ADNP: variants seen among roughly 807,000 people sequenced by gnomAD.
ADNP encodes activity dependent neuroprotector homeobox, also known as activity-dependent neuroprotector homeobox protein.
ADNP carries 4 observed loss-of-function variants against 84.9 expected under a neutral mutation model. That is an observed-to-expected ratio of 0.05 (90% CI 0.02 to 0.11). The LOEUF is 0.11. Ranked by LOEUF, ADNP falls within the 10% of genes least tolerant of loss-of-function variation. The pLI is 1.00. For missense variants in ADNP, 1,132 were observed against 1,326.0 expected (o/e 0.85, Z 2.27); for synonymous variants, 554 against 468.1 (o/e 1.18, Z -2.37).
intron 2 of ADNP, among the ~76,000 whole-genome samples, chr20:50,919,291 GTATATATATATATATA>G (rs199569280): frequency 3.9e-5 from 3 of 77,214 alleles, no homozygotes; most frequent in Admixed American, 2.6e-4. Flanking sequence ...ATATTTAAGT[GTATATATATATATATA>G]TATATATATG....
chr20:50,902,144 G>A (rs776544859), intron 4 of ADNP, 35 bp from the exon 5 acceptor site: 5 of 1,496,776 alleles, frequency 3.3e-6, no homozygotes, highest in South Asian at 2.3e-5. Flanking sequence ...CAAAAACATA[G>A]TGGTATAAAC....
chr20:50,916,968 T>C (rs1428676971), intron 2 of ADNP, among the ~76,000 whole-genome samples: 3 of 152,210 alleles, frequency 2.0e-5, no homozygotes, highest in African/African-American at 7.2e-5. Flanking sequence ...AGAAATCTGT[T>C]ATGAAAAAGC....
intron 5 of ADNP, among the ~76,000 whole-genome samples, chr20:50,897,965 C>G (rs1316773208): frequency 6.6e-6 from 1 of 152,104 alleles, no homozygotes; most frequent in Admixed American, 6.6e-5. Flanking sequence ...ATGCTTGAAG[C>G]CCCTAGGGTT....
At chr20:50,916,994 T>C (rs1337005543) in intron 2 of ADNP, among the ~76,000 whole-genome samples, 1 of 152,212 alleles carries the variant, frequency 6.6e-6, no homozygotes. Context: ...TCTCAATCAC[T>C]GAAAGAACCT....
intron 5 of ADNP, among the ~76,000 whole-genome samples, chr20:50,895,797 G>A (rs1387525683): frequency 1.3e-5 from 2 of 152,218 alleles, no homozygotes; most frequent in African/African-American, 2.4e-5. Context: ...GCTTCCCAAA[G>A]TGCTGGGATT....
intron 2 of ADNP, among the ~76,000 whole-genome samples, chr20:50,927,002 G>A (rs1984334349): frequency 6.6e-6 from 1 of 152,032 alleles, no homozygotes; most frequent in African/African-American, 2.4e-5. Context: ...TAGTTACAAG[G>A]AAAGCAACAA....
At chr20:50,914,248 C>A (rs1476454533) in intron 2 of ADNP, 1 of 714,806 alleles carries the variant, frequency 1.4e-6, no homozygotes, top group Admixed American at 2.1e-5. Context: ...GGGTAACACT[C>A]CTCCACACTT....
At chr20:50,906,963 G>GTTTTTTT (rs751919326) in intron 2 of ADNP, among the ~76,000 whole-genome samples, 9 of 119,216 alleles carry the variant, frequency 7.5e-5, no homozygotes, top group African/African-American at 9.6e-5. Context: ...CAGGGTTCCA[G>GTTTTTTT]TTTTTTTTTT....
rs1218321798 is a variant in ADNP, at chr20:50,908,149, T to TG, written c.-89-3301_-89-3300insC. 5.3e-5 allele frequency among the ~76,000 whole-genome samples: 3 copies of TG among 56,320 alleles called. No homozygotes were observed. The African/African-American group carries it at 8.6e-4, about 16-fold the overall frequency. The allele number at this position is 56,320 out of a possible 152,430, so 36.9% of individuals were successfully genotyped here. On this transcript the variant is annotated intron_variant, in intron 2 of 5. Transcript: ENST00000621696. ...AAAGCATTTGCAAAGATTTTTCTGT[T>TG]TTTTTTTTTTTTTTTTTTGCTTTAA...
chr20:50,892,762 T>C lies in ADNP; in HGVS notation c.1952A>G (p.Gln651Arg). 6.2e-7 allele frequency: 1 copy of C among 1,614,244 alleles called. No homozygotes were observed. The highest frequency in any genetic ancestry group is 8.5e-7 in the Non-Finnish European group (1 of 1,180,054). Reference sequence around the variant, plus strand: ...CTTTTTCTCAACTGGATGAACCGTCTGAATAACTTGGTGCCTCTCTCGTAA... The same window carrying C: ...CTTTTTCTCAACTGGATGAACCGTCCGAATAACTTGGTGCCTCTCTCGTAA... ...HHLRERHQVI[Q>R]TVHPVEKKLT... Residue 651 changes from glutamine (Q) to arginine (R), a missense_variant, in exon 6 of 6, where the codon CAG (glutamine) becomes CGG (arginine). Transcript: ENST00000621696.
intron 2 of ADNP, among the ~76,000 whole-genome samples, chr20:50,910,472 A>G (rs1234465072): frequency 6.6e-6 from 1 of 152,168 alleles, no homozygotes; most frequent in Non-Finnish European, 1.5e-5. Context: ...CTGTGGTCCT[A>G]GATATACAGG....
Position 50,911,629 on chromosome 20 carries a change from C to T in ADNP, c.-89-6780G>A, listed in dbSNP as rs570596929. 2.6e-5 allele frequency among the ~76,000 whole-genome samples: 4 copies of T among 151,894 alleles called. No individual in the cohort carries two copies. In the South Asian group the frequency reaches 8.3e-4, roughly 32 times the overall value. ...AAGGTAAAGTCTGCAGGATCTGGCA[C>T]ACCAAGAATTAGTGGAGCTTGTCTA... On this transcript the variant is annotated intron_variant, in intron 2 of 5. Coordinates refer to ENST00000621696, the MANE Select transcript of ADNP (RefSeq NM_001282531.3).
At chr20:50,904,693 A>G (rs997272148) in intron 3 of ADNP, 73 bp downstream of exon 3, 3 of 152,162 alleles carry the variant, frequency 2.0e-5, no homozygotes, top group Admixed American at 6.5e-5. Flanking sequence ...ACTAGCAATC[A>G]ATTATTTTTA....
Position 50,890,034 on chromosome 20 carries a change from A to ATT in ADNP, c.*1369_*1370dup, listed in dbSNP as rs11299078. ...CAAATTAATGCCAATCCATGTTTAC[A>ATT]TTTTTTTTTTTATCATTGAGACATT... On this transcript the variant is annotated 3_prime_UTR_variant, in exon 6 of 6. Transcript: ENST00000621696. The ATT allele has an allele frequency of 6.7e-3, 2,249 of 337,848 alleles. 34 individuals are homozygous for ATT. The highest frequency in any genetic ancestry group is 0.034 in the African/African-American group (1,577 of 45,942). 20.9% of individuals were successfully genotyped at this position (337,848 alleles called of 1,614,324 possible). A position where few individuals can be genotyped will look rare whatever the true frequency, so the allele number is the denominator to read the frequency against.
Position 50,892,782 on chromosome 20 carries a change from T to C in ADNP, c.1932A>G (p.Arg644=), listed in dbSNP as rs199630325. The C allele has an allele frequency of 4.1e-4, 657 of 1,614,122 alleles. No homozygotes were observed. Among genetic ancestry groups the C allele is most frequent in the Non-Finnish European group, 5.4e-4 (638 of 1,180,048 alleles). ...PISDALAHHL[R]ERHQVIQTVH... ...CCGTCTGAATAACTTGGTGCCTCTC[T>C]CGTAAGTGATGTGCAAGTGCATCAG... is the stretch of plus-strand genomic sequence containing the variant. Residue 644 remains arginine (R), a synonymous_variant, in exon 6 of 6, where the codon CGA becomes CGG. Coordinates refer to ENST00000621696, the MANE Select transcript of ADNP (RefSeq NM_001282531.3).
intron 5 of ADNP, among the ~76,000 whole-genome samples, chr20:50,901,755 A>C (rs1982007390): frequency 6.6e-6 from 1 of 152,240 alleles, no homozygotes; most frequent in South Asian, 2.1e-4. Context: ...TTTTAGGGGA[A>C]ATGGTGGGAT....
chr20:50,892,821 T>C lies in ADNP; in HGVS notation c.1893A>G (p.Leu631=), dbSNP rs201782663. 37 of 1,614,242 alleles carry C rather than the reference T, an allele frequency of 2.3e-5. No individual in the cohort carries two copies. In the East Asian group the frequency reaches 7.6e-4, roughly 33 times the overall value. The change falls in exon 6 of 6, where the codon CTA becomes CTG. Residue 631 remains leucine, a synonymous_variant. Transcript: ENST00000621696. ...KTLCPLCFSI[L]KGPISDALAH... ...CAAGTGCATCAGATATGGGTCCTTT[T>C]AGGATTGAAAAGCAAAGAGGACAAA...
chr20:50,927,882 C>T (rs1407043001), intron 2 of ADNP, among the ~76,000 whole-genome samples: 1 of 152,278 alleles, frequency 6.6e-6, no homozygotes, highest in South Asian at 2.1e-4. Flanking sequence ...TCAAACATTC[C>T]GTCAAATAAG....
intron 2 of ADNP, among the ~76,000 whole-genome samples, chr20:50,925,609 G>C (rs933520461): frequency 2.0e-5 from 3 of 152,156 alleles, no homozygotes; most frequent in Non-Finnish European, 4.4e-5. Context: ...CAACAATCAA[G>C]GTGGAAAGTG....
Sources: allele counts gnomAD v4.1 joint callset (sites outside exome capture counted in the v4.1 genomes callset), GRCh38; gene constraint gnomAD v4.1.1; transcripts MANE v1.5; gene names NCBI Gene and HGNC (gene_info 2026-07-23, HGNC 2026-07-21).